Variants in DSCAML1 observed in about 807,000 individuals in gnomAD.
The protein encoded by DSCAML1 is DS cell adhesion molecule like 1.
Under a neutral mutation model 200.5 loss-of-function variants are expected in DSCAML1, and 38 were observed. That is an observed-to-expected ratio of 0.19 (90% CI 0.15 to 0.25). DSCAML1 has a LOEUF of 0.25. DSCAML1 is among the 10% of genes least tolerant of loss of function. DSCAML1 has a pLI of 1.00. For synonymous variants in DSCAML1, 1,215 were observed against 1,165.0 expected (o/e 1.04, Z -0.87); for missense variants, 2,223 against 2,858.8 (o/e 0.78, Z 5.07).
chr11:117,544,119 C>T (rs2050325762), intron 3 of DSCAML1, among the ~76,000 whole-genome samples: 1 of 152,156 alleles, frequency 6.6e-6, no homozygotes, highest in African/African-American at 2.4e-5. Context: ...ATCGTTGTCT[C>T]TCTTGGAAGA....
intron 3 of DSCAML1, among the ~76,000 whole-genome samples, chr11:117,643,784 T>G (rs1408485445): frequency 1.3e-5 from 2 of 152,164 alleles, no homozygotes; most frequent in African/African-American, 4.8e-5. Flanking sequence ...GTCATCACCA[T>G]CAGGCTCCAG....
chr11:117,586,428 G>A (rs981254645), intron 3 of DSCAML1, among the ~76,000 whole-genome samples: 1 of 152,190 alleles, frequency 6.6e-6, no homozygotes, highest in South Asian at 2.1e-4. Flanking sequence ...TTTCCCACTG[G>A]AGAGACCAAT....
chr11:117,621,181 G>T (rs1269654333), intron 3 of DSCAML1, among the ~76,000 whole-genome samples: 1 of 152,202 alleles, frequency 6.6e-6, no homozygotes, highest in Non-Finnish European at 1.5e-5. Flanking sequence ...CTGAAAGAAG[G>T]CTTCTACCAC....
At chr11:117,687,925 T>G (rs11607603) in intron 3 of DSCAML1, among the ~76,000 whole-genome samples, 72 of 152,270 alleles carry the variant, frequency 4.7e-4, no homozygotes, top group African/African-American at 1.4e-3. Flanking sequence ...ATGGGCCACG[T>G]GGTCCAAGTA....
chr11:117,684,884 G>A (rs554357731), intron 3 of DSCAML1, among the ~76,000 whole-genome samples: 191 of 152,328 alleles, frequency 1.3e-3, no homozygotes, highest in Middle Eastern at 3.4e-3. Flanking sequence ...CACAGAGGGA[G>A]GAAGGTTCCA....
chr11:117,730,616 A>T (rs554933386), intron 3 of DSCAML1, among the ~76,000 whole-genome samples: 66 of 152,322 alleles, frequency 4.3e-4, no homozygotes, highest in African/African-American at 1.4e-3. Flanking sequence ...TGGGAATGTA[A>T]AGTGTGCAGC....
chr11:117,446,364 C>CAAAACAAAAACA (rs537590853), intron 20 of DSCAML1, among the ~76,000 whole-genome samples: 9 of 151,918 alleles, frequency 5.9e-5, no homozygotes, highest in Admixed American at 5.2e-4. Flanking sequence ...AACTCTGTCT[C>CAAAACAAAAACA]AAAACAAAAA....
intron 3 of DSCAML1, among the ~76,000 whole-genome samples, chr11:117,650,148 G>A (rs762722401): frequency 1.3e-5 from 2 of 152,162 alleles, no homozygotes; most frequent in African/African-American, 2.4e-5. Flanking sequence ...CAAAAAACAC[G>A]GGTTCCCAGG....
chr11:117,557,516 T>A (rs2050580906), intron 3 of DSCAML1, among the ~76,000 whole-genome samples: 1 of 152,200 alleles, frequency 6.6e-6, no homozygotes, highest in Admixed American at 6.5e-5. Context: ...CTCGAGCCCC[T>A]CTTCCTGCCT....
chr11:117,675,495 T>TAA (rs1399129118), intron 3 of DSCAML1, among the ~76,000 whole-genome samples: 2 of 147,526 alleles, frequency 1.4e-5, no homozygotes, highest in Non-Finnish European at 3.0e-5. Flanking sequence ...TTTTTTTTTT[T>TAA]TTTTAGAGAC....
chr11:117,690,831 G>T (rs974080503), intron 3 of DSCAML1, among the ~76,000 whole-genome samples: 1 of 152,234 alleles, frequency 6.6e-6, no homozygotes, highest in South Asian at 2.1e-4. Flanking sequence ...TGGGAAGAAA[G>T]AGGGTGTGGG....
chr11:117,541,059 C>A (rs539954923), intron 3 of DSCAML1, among the ~76,000 whole-genome samples: 1 of 152,320 alleles, frequency 6.6e-6, no homozygotes, highest in East Asian at 1.9e-4. Flanking sequence ...GCTGCAATAA[C>A]CCTTGAGGAT....
At chr11:117,448,145 G>A (rs560930352) in intron 20 of DSCAML1, among the ~76,000 whole-genome samples, 42 of 152,324 alleles carry the variant, frequency 2.8e-4, no homozygotes, top group African/African-American at 8.9e-4. Flanking sequence ...GCTCTGTTCC[G>A]GAGCCCGGGA....
intron 3 of DSCAML1, among the ~76,000 whole-genome samples, chr11:117,604,287 T>C (rs1396682522): frequency 2.6e-5 from 4 of 151,382 alleles, no homozygotes; most frequent in Non-Finnish European, 4.4e-5. Flanking sequence ...TTATGAGAAG[T>C]GGCCCAACAC....
intron 3 of DSCAML1, among the ~76,000 whole-genome samples, chr11:117,607,549 G>A (rs2051593420): frequency 6.6e-6 from 1 of 152,210 alleles, no homozygotes; most frequent in South Asian, 2.1e-4. Flanking sequence ...TAGCTACAGA[G>A]GTGCAGGCAG....
chr11:117,737,863 T>C (rs1382787885), intron 3 of DSCAML1, among the ~76,000 whole-genome samples: 1 of 152,226 alleles, frequency 6.6e-6, no homozygotes, highest in African/African-American at 2.4e-5. Context: ...TGGCAGGCTC[T>C]GGGGACTGGG....
intron 8 of DSCAML1, among the ~76,000 whole-genome samples, chr11:117,510,060 G>A (rs1250913674): frequency 1.3e-5 from 2 of 152,238 alleles, no homozygotes; most frequent in East Asian, 1.9e-4. Context: ...CACAGTGGTC[G>A]AGGCAGGCCA....
At position 117,643,443 on chromosome 11, in the gene DSCAML1, C is replaced by A. The variant is rs553601018; in HGVS notation, c.512-110921G>T. Among the ~76,000 whole-genome samples the A allele has an allele frequency of 2.0e-5, 3 of 152,282 alleles. No individual in the cohort carries two copies. The East Asian group carries it at 5.8e-4, about 29-fold the overall frequency. ...TTAGCATGGAGGAGGAAAACACAAC[C>A]CCTCCCTGTGAGGCTGACCCTTCAA... On this transcript the variant is annotated intron_variant, in intron 3 of 32. Transcript: ENST00000651296.
At chr11:117,588,183 C>A (rs2051187364) in intron 3 of DSCAML1, among the ~76,000 whole-genome samples, 1 of 152,120 alleles carries the variant, frequency 6.6e-6, no homozygotes, top group Non-Finnish European at 1.5e-5. Flanking sequence ...GAGGACAGAG[C>A]CTGAAGGAGG....
Sources: allele counts gnomAD v4.1 joint callset (sites outside exome capture counted in the v4.1 genomes callset), GRCh38; gene constraint gnomAD v4.1.1; transcripts MANE v1.5; gene names NCBI Gene and HGNC (gene_info 2026-07-23, HGNC 2026-07-21).